FBN1: variants seen among roughly 807,000 people sequenced by gnomAD.
FBN1 encodes fibrillin 1, also known as fibrillin-1.
Under a neutral mutation model 365.1 loss-of-function variants are expected in FBN1, and 29 were observed. That is an observed-to-expected ratio of 0.08 (90% confidence interval 0.06 to 0.11). FBN1 has a LOEUF of 0.11. Ranked by LOEUF, FBN1 falls within the 10% of genes least tolerant of loss-of-function variation. FBN1 has a pLI of 1.00. For missense variants in FBN1, 2,476 were observed against 3,703.2 expected (o/e 0.67, Z 8.60); for synonymous variants, 1,210 against 1,270.5 (o/e 0.95, Z 1.01).
chr15:48,435,231 A>T (rs1266151615), intron 53 of FBN1, among the ~76,000 whole-genome samples: 2 of 152,092 alleles, frequency 1.3e-5, no homozygotes, highest in Non-Finnish European at 2.9e-5. Context: ...CAGTGCCTGG[A>T]CATATAGCCC....
intron 47 of FBN1, among the ~76,000 whole-genome samples, chr15:48,445,775 T>C (rs940356671): frequency 1.3e-5 from 2 of 152,110 alleles, no homozygotes; most frequent in Non-Finnish European, 2.9e-5. Flanking sequence ...GATTTTCCTT[T>C]AGATTTTATT....
chr15:48,415,145 G>A (rs1037364403), intron 64 of FBN1, among the ~76,000 whole-genome samples: 1 of 152,150 alleles, frequency 6.6e-6, no homozygotes, highest in Middle Eastern at 3.2e-3. Context: ...GGCATTTTAA[G>A]TCCAGATAGA....
In FBN1 at chr15:48,442,674, CTTTA is replaced by C. The variant is rs555660130; in HGVS notation, c.6038-832_6038-829del. On this transcript the variant is annotated intron_variant, in intron 49 of 65. Coordinates refer to ENST00000316623, the MANE Select transcript of FBN1 (RefSeq NM_000138.5). ...CCCCAGCTCATGCCAGTTGGCCTGA[CTTTA>C]TTGTTAATAGTGCCCTTTTCTACTT... Among the ~76,000 whole-genome samples the C allele has an allele frequency of 6.6e-5, 10 of 152,292 alleles. No individual in the cohort carries two copies. In the South Asian group the frequency reaches 2.1e-3, roughly 32 times the overall value.
intron 35 of FBN1, among the ~76,000 whole-genome samples, chr15:48,471,437 T>G (rs1396191084): frequency 6.6e-6 from 1 of 152,188 alleles, no homozygotes; most frequent in African/African-American, 2.4e-5. Context: ...AAACTTTCAC[T>G]GTGACTATTT....
chr15:48,418,060 C>A (rs2042915240), intron 63 of FBN1, among the ~76,000 whole-genome samples: 1 of 152,194 alleles, frequency 6.6e-6, no homozygotes, highest in South Asian at 2.1e-4. Flanking sequence ...GTGTTTTTTC[C>A]TCCAAAGAGC....
intron 43 of FBN1, among the ~76,000 whole-genome samples, chr15:48,459,890 C>A (rs897610766): frequency 6.6e-6 from 1 of 152,212 alleles, no homozygotes; most frequent in African/African-American, 2.4e-5. Context: ...AGTCACTTAA[C>A]CTGGTCTTAG....
At position 48,544,297 on chromosome 15, in the gene FBN1, A is replaced by T. The variant is rs541194266; in HGVS notation, c.539-6489T>A. On this transcript the variant is annotated intron_variant, in intron 6 of 65. Coordinates refer to ENST00000316623, the MANE Select transcript of FBN1 (RefSeq NM_000138.5). ...AGATTACCTATTTAACATGGTCTAT[A>T]CAGTGTTATTAAAAGAATACAACCT... 5.9e-5 allele frequency among the ~76,000 whole-genome samples: 9 copies of T among 152,298 alleles called. No homozygotes were observed. The East Asian group carries it at 1.7e-3, about 29-fold the overall frequency.
At chr15:48,486,843 A>G (rs573191884) in intron 29 of FBN1, among the ~76,000 whole-genome samples, 2 of 152,288 alleles carry the variant, frequency 1.3e-5, no homozygotes, top group South Asian at 4.1e-4. Flanking sequence ...CCTTCACTTA[A>G]CTGGCTCTTT....
chr15:48,634,356 C>T (rs1890050337), intron 2 of FBN1, among the ~76,000 whole-genome samples: 2 of 152,184 alleles, frequency 1.3e-5, no homozygotes, highest in South Asian at 4.1e-4. Flanking sequence ...TATGTCCTGA[C>T]TCTCCTCCAT....
intron 52 of FBN1, 58 bp from the exon 53 acceptor site, chr15:48,437,135 A>G (rs200439556): frequency 4.4e-5 from 56 of 1,275,704 alleles, no homozygotes; most frequent in Non-Finnish European, 6.3e-5. Flanking sequence ...GTGAAGATAA[A>G]TTATGATCAT....
At chr15:48,496,013 A>G in intron 20 of FBN1, 87 bp downstream of exon 20, 1 of 1,535,952 alleles carries the variant, frequency 6.5e-7, no homozygotes, top group Non-Finnish European at 9.0e-7. Flanking sequence ...TCTAAAATAC[A>G]GGAGACTCTA....
intron 38 of FBN1, among the ~76,000 whole-genome samples, chr15:48,466,559 G>T (rs1473727387): frequency 1.3e-5 from 2 of 152,214 alleles, no homozygotes; most frequent in African/African-American, 4.8e-5. Flanking sequence ...CATCATCCCA[G>T]TGAGGAGCTA....
chr15:48,571,982 A>G (rs2044308995), intron 6 of FBN1, among the ~76,000 whole-genome samples: 2 of 152,208 alleles, frequency 1.3e-5, no homozygotes, highest in Admixed American at 6.5e-5. Context: ...AAAAATAGAA[A>G]CTAGAAGGAA....
chr15:48,602,218 G>A (rs138491308), intron 4 of FBN1, among the ~76,000 whole-genome samples: 85 of 152,034 alleles, frequency 5.6e-4, no homozygotes, highest in African/African-American at 1.9e-3. Context: ...GCTTCCTTCC[G>A]CTAATCTTTT....
chr15:48,574,224 G>A (rs1054208938), intron 6 of FBN1, among the ~76,000 whole-genome samples: 1 of 152,204 alleles, frequency 6.6e-6, no homozygotes, highest in Non-Finnish European at 1.5e-5. Flanking sequence ...TATAGACAGT[G>A]AAATGAACCA....
At chr15:48,479,149 C>A (rs2043447805) in intron 32 of FBN1, among the ~76,000 whole-genome samples, 1 of 152,154 alleles carries the variant, frequency 6.6e-6, no homozygotes. Flanking sequence ...ACCAAGGTAA[C>A]CTGACGGTGT....
At chr15:48,429,654 A>G (rs1436898735) in intron 56 of FBN1, among the ~76,000 whole-genome samples, 1 of 152,196 alleles carries the variant, frequency 6.6e-6, no homozygotes, top group Non-Finnish European at 1.5e-5. Flanking sequence ...AGCTCCCCAA[A>G]TGATTCCAAA....
chr15:48,529,415 C>G (rs1366832731), intron 8 of FBN1: 2 of 152,362 alleles, frequency 1.3e-5, no homozygotes, highest in African/African-American at 4.8e-5. Context: ...AGCATTCTTC[C>G]CATGCCTAAG....
intron 6 of FBN1, among the ~76,000 whole-genome samples, chr15:48,570,812 C>T (rs1202460113): frequency 2.0e-5 from 3 of 152,156 alleles, no homozygotes; most frequent in Non-Finnish European, 4.4e-5. Context: ...TGTGAATGTG[C>T]TGACCAGCCC....
Sources: gnomAD v4.1 joint callset for allele counts (sites outside exome capture counted in the v4.1 genomes callset) on GRCh38, gnomAD v4.1.1 for gene constraint, MANE v1.5 for transcripts, NCBI Gene and HGNC (gene_info 2026-07-23, HGNC 2026-07-21) for gene names.